Variants in AMBP observed in about 807,000 individuals in gnomAD.
The protein encoded by AMBP is alpha-1-microglobulin/bikunin precursor.
In AMBP, 37 loss-of-function variants were observed where a neutral mutation model predicts 46.3. That is an observed-to-expected ratio of 0.80 (90% CI 0.61 to 1.05). The LOEUF (loss-of-function observed/expected upper bound fraction) is 1.05. Among genes scored for constraint, AMBP ranks in the 50% least tolerant of loss-of-function variants. The pLI, the probability that AMBP is intolerant of heterozygous loss-of-function variation, is 0.00. For missense variants in AMBP, 475 were observed against 461.2 expected (o/e 1.03, Z -0.27); for synonymous variants, 174 against 175.9 (o/e 0.99, Z 0.09).
Position 114,060,265 on chromosome 9 carries a change from C to T in AMBP, c.1033G>A (p.Glu345Lys), listed in dbSNP as rs1400641440. 5 of 1,613,284 alleles carry T rather than the reference C, an allele frequency of 3.1e-6. No individual in the cohort carries two copies. In the Middle Eastern group the frequency reaches 4.9e-4, roughly 159 times the overall value. ...CAGTTGGAGAAGCGCAGCAGCTCCTCATCACCTGTGGACACAGAGAGACTC... is the reference window on the plus strand; with the variant it reads ...CAGTTGGAGAAGCGCAGCAGCTCCTTATCACCTGTGGACACAGAGAGACTC... ...EYCGVPGDGDEELLRFSN is the reference protein window; with the variant it reads ...EYCGVPGDGDKELLRFSN The change falls in exon 10 of 10, where the codon GAG becomes AAG. Residue 345 changes from glutamate to lysine, a missense_variant. By Grantham distance (56) the Glu-to-Lys change is moderately conservative. This residue lies in a region of AMBP where 293 missense variants were observed against 276.9 expected (regional missense o/e 1.06). Transcript: ENST00000265132.
chr9:114,066,375 A>ATGTGTGTGTG (rs1846693445), intron 6 of AMBP, among the ~76,000 whole-genome samples: 1 of 28,666 alleles, frequency 3.5e-5, no homozygotes, highest in East Asian at 1.1e-3. Context: ...ATTTATGTGC[A>ATGTGTGTGTG]CGTGTGTGTG....
At chr9:114,075,745 G>A (rs1041556842) in intron 2 of AMBP, among the ~76,000 whole-genome samples, 14 of 152,100 alleles carry the variant, frequency 9.2e-5, no homozygotes, top group South Asian at 2.1e-4. Flanking sequence ...GGTCCTCTTC[G>A]GGCACAAAGA....
At chr9:114,074,009 T>G (rs542427225) in intron 4 of AMBP, 27 bp downstream of exon 4, 2 of 1,592,724 alleles carry the variant, frequency 1.3e-6, no homozygotes, top group East Asian at 4.5e-5. Flanking sequence ...TTAACTCCAA[T>G]GGGCACATCT....
intron 5 of AMBP, among the ~76,000 whole-genome samples, chr9:114,070,498 C>T (rs944261902): frequency 6.6e-6 from 1 of 152,222 alleles, no homozygotes; most frequent in African/African-American, 2.4e-5. Flanking sequence ...TCTGGGAGCC[C>T]CTGGAGCCTG....
intron 5 of AMBP, 153 bp from the exon 6 acceptor site, chr9:114,069,898 G>C: frequency 1.4e-6 from 1 of 711,966 alleles, no homozygotes; most frequent in East Asian, 2.7e-5. Context: ...GCTTGCTCAA[G>C]GCCATTCACT....
At position 114,064,662 on chromosome 9, in the gene AMBP, CA is replaced by C. The variant is rs5900068; in HGVS notation, c.604-1905del. Among the ~76,000 whole-genome samples, 386 of 146,820 alleles carry C rather than the reference CA, an allele frequency of 2.6e-3. 2 individuals are homozygous for C. Among genetic ancestry groups the C allele is most frequent in the Non-Finnish European group, 4.2e-3 (281 of 66,616 alleles). ...TCTCCCCCCAATACCTAACATTTAG[CA>C]AAAAAAAAAATGAGTTTAAAAGCAT... On this transcript the variant is annotated intron_variant, in intron 6 of 9. Coordinates refer to ENST00000265132, the MANE Select transcript of AMBP (RefSeq NM_001633.4).
chr9:114,064,904 C>T (rs554025012), intron 6 of AMBP, among the ~76,000 whole-genome samples: 109 of 152,332 alleles, frequency 7.2e-4, no homozygotes, highest in Middle Eastern at 3.4e-3. Flanking sequence ...AACTGAGGGG[C>T]ACCCCATCCC....
intron 6 of AMBP, among the ~76,000 whole-genome samples, chr9:114,068,075 A>C (rs1846710703): frequency 6.6e-6 from 1 of 152,136 alleles, no homozygotes; most frequent in Non-Finnish European, 1.5e-5. Flanking sequence ...TAAAAGACAA[A>C]AGAAATTTTC....
chr9:114,073,249 C>CTTT (rs758485999), intron 4 of AMBP, among the ~76,000 whole-genome samples: 2 of 149,496 alleles, frequency 1.3e-5, no homozygotes. Flanking sequence ...GGACTCTTCC[C>CTTT]CTTTTTTTTT....
chr9:114,060,407 A>AT (rs200563827), intron 9 of AMBP, 137 bp from the exon 10 acceptor site: 25,360 of 938,790 alleles, frequency 0.027, 350 homozygotes, highest in East Asian at 0.064. Flanking sequence ...AAATGATCAG[A>AT]TTTTTTTTTC....
At chr9:114,065,291 T>C (rs1846682736) in intron 6 of AMBP, among the ~76,000 whole-genome samples, 2 of 152,188 alleles carry the variant, frequency 1.3e-5, no homozygotes, top group Admixed American at 1.3e-4. Context: ...TAATCCAATA[T>C]GAGTGGTGTC....
At position 114,062,763 on chromosome 9, in the gene AMBP, G is replaced by T. The variant is rs374698399; in HGVS notation, c.604-5C>A. 2.5e-6 allele frequency: 4 copies of T among 1,613,886 alleles called. No individual in the cohort carries two copies. In the South Asian group the frequency reaches 4.4e-5, roughly 18 times the overall value. ...TAGCACAGCCCTCCGGACTCTCTGC[G>T]GGGGAGAGAAAGAGAAGAAGCAGTT... On this transcript the variant is annotated splice_polypyrimidine_tract_variant and splice_region_variant and intron_variant, in intron 6 of 9. Coordinates refer to ENST00000265132, the MANE Select transcript of AMBP (RefSeq NM_001633.4).
At chr9:114,077,751 A>C in intron 1 of AMBP, 1 of 254,410 alleles carries the variant, frequency 3.9e-6, no homozygotes, top group Non-Finnish European at 7.7e-6. Context: ...TAGAGAAGGA[A>C]GGGCTGGGAG....
At chr9:114,065,435 GCA>G (rs1324878214) in intron 6 of AMBP, among the ~76,000 whole-genome samples, 1 of 152,168 alleles carries the variant, frequency 6.6e-6, no homozygotes, top group Non-Finnish European at 1.5e-5. Flanking sequence ...GAGAGACACG[GCA>G]CAGATTCTTT....
In AMBP at chr9:114,078,223, T is replaced by A; in HGVS notation, c.-14A>T. 6.2e-7 allele frequency: 1 copy of A among 1,609,652 alleles called. No homozygotes were observed. Among genetic ancestry groups the A allele is most frequent in the Admixed American group, 1.7e-5 (1 of 60,016 alleles). On this transcript the variant is annotated 5_prime_UTR_variant, in exon 1 of 10. Transcript: ENST00000265132. ...GAGGCTCCTCATGGCTATGGGCTCC[T>A]CTGCCTTGGTATATCCCACAGGCTC...
At chr9:114,065,728 G>A (rs1181658861) in intron 6 of AMBP, among the ~76,000 whole-genome samples, 2 of 151,966 alleles carry the variant, frequency 1.3e-5, no homozygotes, top group African/African-American at 4.8e-5. Flanking sequence ...ATGGGGCTAG[G>A]GGGAGGTGGG....
At chr9:114,061,635 G>A (rs1189008013) in intron 7 of AMBP, 44 bp from the exon 8 acceptor site, 1 of 1,530,304 alleles carries the variant, frequency 6.5e-7, no homozygotes, top group Admixed American at 2.0e-5. Flanking sequence ...TGTTGACTGT[G>A]TACCCATTAT....
Position 114,078,094 on chromosome 9 carries a change from C to G in AMBP, c.116G>C (p.Arg39Pro), listed in dbSNP as rs535072502. Residue 39 changes from arginine (R) to proline (P), a missense_variant and splice_region_variant, in exon 1 of 10, where the codon CGG becomes CCG. Around this residue, in one of 3 missense-constraint regions of AMBP, gnomAD observed 179 missense variants for 167.4 expected, o/e 1.07. Transcript: ENST00000265132. ...IQVQENFNIS[R>P]IYGKWYNLAI... Reference sequence around the variant, plus strand: ...TACCACAGAGAGCGGCAGCCTTACCCGAGAGATATTGAAGTTTTCCTGCAC... The same window carrying G: ...TACCACAGAGAGCGGCAGCCTTACCGGAGAGATATTGAAGTTTTCCTGCAC... 2 of 1,613,934 alleles carry G rather than the reference C, an allele frequency of 1.2e-6. No individual in the cohort carries two copies. The highest frequency in any genetic ancestry group is 2.2e-5 in the East Asian group (1 of 44,892).
chr9:114,076,458 A>C, intron 2 of AMBP, 140 bp downstream of exon 2: 1 of 1,217,094 alleles, frequency 8.2e-7, no homozygotes, highest in Non-Finnish European at 1.1e-6. Context: ...GTCCTGGTGG[A>C]GGAGCGTAGA....
Sources: gnomAD v4.1 joint callset for allele counts (sites outside exome capture counted in the v4.1 genomes callset) on GRCh38, gnomAD v4.1.1 for gene constraint, gnomAD v4.1.1 regional missense constraint, MANE v1.5 for transcripts, NCBI Gene and HGNC (gene_info 2026-07-23, HGNC 2026-07-21) for gene names.